MCF2: variants seen among roughly 807,000 people sequenced by gnomAD.
MCF2 encodes the protein MCF.2 cell line derived transforming sequence.
A neutral mutation model predicts 82.5 loss-of-function variants in MCF2; 44 were observed. The observed-to-expected ratio is 0.53, with a 90% CI of 0.42 to 0.69. The LOEUF (loss-of-function observed/expected upper bound fraction) is 0.69. Among genes scored for constraint, MCF2 ranks in the 30% least tolerant of loss-of-function variants. The pLI is 0.00. For synonymous variants in MCF2, 217 were observed against 224.9 expected, an observed-to-expected ratio of 0.96 and a Z score of 0.32; for missense variants, 623 against 663.1, an observed-to-expected ratio of 0.94 and a Z score of 0.66.
intron 6 of MCF2, among the ~76,000 whole-genome samples, chrX:139,623,960 GAGA>G (rs1268662508): frequency 1.8e-5 from 2 of 111,359 alleles, no homozygotes; most frequent in Non-Finnish European, 3.8e-5. Flanking sequence ...AAATTTTTAT[GAGA>G]AGGAGGATAT....
At chrX:139,632,482 G>T in intron 1 of MCF2, 28 bp from the exon 5 acceptor site, 2 of 1,166,923 alleles carry the variant, frequency 1.7e-6, no homozygotes. Flanking sequence ...AAAAGAAATT[G>T]GAAAAAAAAT....
intron 21 of MCF2, 36 bp downstream of exon 25, chrX:139,588,324 T>C: frequency 9.3e-7 from 1 of 1,079,550 alleles, no homozygotes; most frequent in Non-Finnish European, 1.3e-6. Flanking sequence ...GCTGTTACTA[T>C]ACTTCTTGTT....
At chrX:139,585,146 A>G (rs1449087111) in exon 24 of MCF2, 1 of 1,195,524 alleles carries the variant, frequency 8.4e-7, no homozygotes, top group Non-Finnish European at 1.1e-6. Context: ...GGTTCTTCAG[A>G]GATTTCTGCA....
At chrX:139,600,760 A>G (rs910747877) in intron 16 of MCF2, among the ~76,000 whole-genome samples, 1 of 111,838 alleles carries the variant, frequency 8.9e-6, no homozygotes, top group Non-Finnish European at 1.9e-5. Context: ...GAAACTTCCA[A>G]TGAGCTTTTT....
At chrX:139,652,278 C>T (rs1037677882) in intron 1 of MCF2, among the ~76,000 whole-genome samples, 1 of 111,552 alleles carries the variant, frequency 9.0e-6, no homozygotes, top group Non-Finnish European at 1.9e-5. Flanking sequence ...ACCATATAGG[C>T]TTCTTAGTCT....
At chrX:139,636,617 G>T (rs959981512) in intron 1 of MCF2, among the ~76,000 whole-genome samples, 1 of 111,340 alleles carries the variant, frequency 9.0e-6, no homozygotes, top group Non-Finnish European at 1.9e-5. Context: ...TCTGCCTGAG[G>T]TAAGGCCCTG....
intron 6 of MCF2, among the ~76,000 whole-genome samples, chrX:139,624,100 G>A (rs918340439): frequency 9.0e-6 from 1 of 111,497 alleles, no homozygotes; most frequent in Non-Finnish European, 1.9e-5. Context: ...AACAATAAGA[G>A]GGAGGTAGGC....
rs949403043 is a variant in MCF2 at position 139,642,672 on chromosome X, T to C, written c.-154A>G. On this transcript the variant is annotated 5_prime_UTR_variant, in exon 1 of 25. Coordinates refer to ENST00000370576, the Ensembl canonical transcript of MCF2. ...GCTTCCATTAGCACAGTGGCAGCAA[T>C]GCTGGGGAGGAAAAAAAAAAAAAAA... 13 of 1,102,685 alleles carry C rather than the reference T, an allele frequency of 1.2e-5. No homozygotes were observed. The Admixed American group carries it at 1.4e-4, about 12-fold the overall frequency. The allele number at this position is 1,102,685 out of a possible 1,213,427, so 90.9% of individuals were successfully genotyped here. A position where few individuals can be genotyped will look rare whatever the true frequency, so the allele number is the denominator to read the frequency against.
At chrX:139,585,899 A>C (rs1376514739) in intron 23 of MCF2, among the ~76,000 whole-genome samples, 1 of 112,343 alleles carries the variant, frequency 8.9e-6, no homozygotes, top group Non-Finnish European at 1.9e-5. Flanking sequence ...TCACAGAGGA[A>C]GAATAAATAT....
intron 10 of MCF2, among the ~76,000 whole-genome samples, chrX:139,611,986 G>T (rs1931530549): frequency 9.0e-6 from 1 of 110,623 alleles, no homozygotes; most frequent in African/African-American, 3.3e-5. Flanking sequence ...AGAAGAAGTG[G>T]GCAGGGTAAG....
chrX:139,688,641 C>T (rs1258118761), intron 1 of MCF2, among the ~76,000 whole-genome samples: 2 of 111,998 alleles, frequency 1.8e-5, no homozygotes, highest in African/African-American at 6.5e-5. Flanking sequence ...TACATTCTTT[C>T]CTCCTGTGAT....
intron 10 of MCF2, among the ~76,000 whole-genome samples, chrX:139,610,705 C>T: frequency 8.9e-6 from 1 of 111,940 alleles, no homozygotes; most frequent in East Asian, 2.8e-4. Flanking sequence ...ATTTTGAAAA[C>T]AATCTAAGTT....
At chrX:139,664,085 AC>A (rs1411885450) in intron 1 of MCF2, among the ~76,000 whole-genome samples, 2 of 109,891 alleles carry the variant, frequency 1.8e-5, no homozygotes, top group African/African-American at 6.6e-5. Flanking sequence ...GCTCACTGCA[AC>A]CTCTGCCTCC....
exon 1 of MCF2, chrX:139,642,572 G>T: frequency 6.6e-6 from 8 of 1,206,168 alleles, no homozygotes; most frequent in Non-Finnish European, 9.0e-6. Flanking sequence ...CAACGTTGAT[G>T]AAATACGAGC....
At chrX:139,593,462 G>C (rs1250686108) in intron 19 of MCF2, among the ~76,000 whole-genome samples, 4 of 110,987 alleles carry the variant, frequency 3.6e-5, no homozygotes, top group Non-Finnish European at 7.6e-5. Context: ...GAGGTACAAG[G>C]AGGAACTGGT....
intron 24 of MCF2, 116 bp from the exon 29 acceptor site, chrX:139,582,619 T>C (rs1348917183): frequency 8.9e-5 from 42 of 471,057 alleles, no homozygotes; most frequent in East Asian, 1.4e-4. Flanking sequence ...ATGGAATACA[T>C]TGTGTTGCTC....
In MCF2 at chrX:139,616,493, GAA is replaced by G. The variant is rs68033160; in HGVS notation, c.1000-22_1000-21del. The stretch of plus-strand genomic sequence containing the variant: ...ACGAGCCTGGTAAGAAAATCAAGAA[GAA>G]AAAAAAAAAATATGAATTAATAAAG... On this transcript the variant is annotated intron_variant, in intron 8 of 24. Transcript: ENST00000370576. 0.017 allele frequency: 12,858 copies of G among 764,025 alleles called. 72 individuals are homozygous for G. Among genetic ancestry groups the G allele is most frequent in the African/African-American group, 0.037 (1,577 of 43,140 alleles). The allele number at this position is 764,025 out of a possible 1,213,427, so 63.0% of individuals were successfully genotyped here.
chrX:139,586,594 G>T (rs980738319), intron 22 of MCF2, 107 bp from the exon 27 acceptor site: 27 of 488,233 alleles, frequency 5.5e-5, no homozygotes, highest in Non-Finnish European at 8.0e-5. Flanking sequence ...AGAACATGCT[G>T]AGAATCCATC....
At chrX:139,596,759 A>T (rs1240220699) in exon 19 of MCF2, 30 of 1,199,826 alleles carry the variant, frequency 2.5e-5, no homozygotes, top group Non-Finnish European at 3.4e-5. Flanking sequence ...TGCCCAGTTC[A>T]TTTAAGTTTC....
Sources: gnomAD v4.1 joint callset for allele counts (sites outside exome capture counted in the v4.1 genomes callset) on GRCh38, gnomAD v4.1.1 for gene constraint, MANE v1.5 for transcripts, NCBI Gene and HGNC (gene_info 2026-07-23, HGNC 2026-07-21) for gene names.